The following DUSP4 variants were observed in gnomAD, a reference collection of about 807,000 sequenced individuals.
DUSP4 encodes dual specificity phosphatase 4.
Under a neutral mutation model 27.2 loss-of-function variants are expected in DUSP4, and 12 were observed. The observed-to-expected ratio is 0.44, with a 90% CI of 0.28 to 0.71. The LOEUF is 0.71. DUSP4 is among the 30% of genes least tolerant of loss of function. The pLI is 0.14. For missense variants in DUSP4, 448 were observed against 551.3 expected (o/e 0.81, Z 1.88); for synonymous variants, 257 against 245.2 (o/e 1.05, Z -0.45).
chr8:29,345,246 G>T lies in DUSP4; in HGVS notation c.433+4600C>A, dbSNP rs1294314730. On this transcript the variant is annotated intron_variant, in intron 1 of 3. Transcript: ENST00000240100. ...TGCCAGAAAAGTCATGCTCTTGCAA[G>T]AAAGTCTGGGGTTGTTTGAAGGCCA... 2.6e-6 allele frequency: 3 copies of T among 1,175,250 alleles called. No individual in the cohort carries two copies. In the African/African-American group the frequency reaches 4.7e-5, roughly 18 times the overall value. 72.8% of individuals were successfully genotyped at this position (1,175,250 alleles called of 1,614,324 possible).
chr8:29,340,175 G>A lies in DUSP4; in HGVS notation c.502C>T (p.Pro168Ser), dbSNP rs747088146. Residue 168 changes from proline (P) to serine (S), a missense_variant, in exon 2 of 4, where the codon CCA (proline) becomes TCA (serine). Pro to Ser is a moderately conservative substitution (Grantham distance 74). Around this residue, in one of 3 missense-constraint regions of DUSP4, gnomAD observed 345 missense variants for 394.0 expected, o/e 0.88. Coordinates refer to ENST00000240100, the MANE Select transcript of DUSP4 (RefSeq NM_001394.7). ...GTGGCACTGGGGGGAACCGGGGGTG[G>A]GATGGCTGCCAGGGCCTTGGTTTTA... ...CSKTKALAAI[P>S]PPVPPSATEP... The A allele has an allele frequency of 1.4e-5, 22 of 1,612,922 alleles. No individual in the cohort carries two copies. In the East Asian group the frequency reaches 4.7e-4, roughly 34 times the overall value.
intron 1 of DUSP4, among the ~76,000 whole-genome samples, chr8:29,342,943 G>A (rs938935687): frequency 1.3e-4 from 20 of 152,258 alleles, no homozygotes; most frequent in African/African-American, 4.8e-4. Flanking sequence ...CGAGGCGGGT[G>A]GATCACGAGG....
rs375733919 is a variant in DUSP4 at position 29,336,975 on chromosome 8, G to A, written c.*51C>T. The A allele has an allele frequency of 1.8e-4, 268 of 1,509,598 alleles. No individual in the cohort carries two copies. The highest frequency in any genetic ancestry group is 2.0e-4 in the Non-Finnish European group (222 of 1,129,436). 93.5% of individuals were successfully genotyped at this position (1,509,598 alleles called of 1,614,324 possible). ...CCAACTTTCTGCCCGCATGCGGCCC[G>A]TCCTACCCTTGCTGGGAGCCAGCTC... On this transcript the variant is annotated 3_prime_UTR_variant, in exon 4 of 4. Coordinates refer to ENST00000240100, the MANE Select transcript of DUSP4 (RefSeq NM_001394.7).
At chr8:29,346,562 A>G (rs1817737359) in intron 1 of DUSP4, among the ~76,000 whole-genome samples, 1 of 152,226 alleles carries the variant, frequency 6.6e-6, no homozygotes, top group Admixed American at 6.5e-5. Flanking sequence ...AAAATCTGAA[A>G]AACTAAAATT....
rs528435044 is a variant in DUSP4, at chr8:29,335,272, C to A, written c.*1754G>T. 1.3e-5 allele frequency: 2 copies of A among 149,458 alleles called. No homozygotes were observed. Among genetic ancestry groups the A allele is most frequent in the South Asian group, 4.4e-4 (2 of 4,552 alleles). 9.3% of individuals were successfully genotyped at this position (149,458 alleles called of 1,614,324 possible). A position where few individuals can be genotyped will look rare whatever the true frequency, so the allele number is the denominator to read the frequency against. On this transcript the variant is annotated 3_prime_UTR_variant, in exon 4 of 4. Coordinates refer to ENST00000240100, the MANE Select transcript of DUSP4 (RefSeq NM_001394.7). Reference sequence around the variant, plus strand: ...CAAAGCCATTCTCCATTTAGAAAGGCCCAACTAAGGATTCAAAATGGCACC... The same window carrying A: ...CAAAGCCATTCTCCATTTAGAAAGGACCAACTAAGGATTCAAAATGGCACC...
intron 1 of DUSP4, among the ~76,000 whole-genome samples, chr8:29,343,365 A>G (rs1194432203): frequency 2.6e-5 from 4 of 152,034 alleles, no homozygotes; most frequent in Non-Finnish European, 5.9e-5. Flanking sequence ...GGTGAGAACG[A>G]TATGTTCTGG....
At position 29,338,496 on chromosome 8, in the gene DUSP4, A is replaced by AC; in HGVS notation, c.584dup (p.Pro196SerfsTer42). On this transcript the variant is annotated frameshift_variant, in exon 3 of 4. Coordinates refer to ENST00000240100, the MANE Select transcript of DUSP4 (RefSeq NM_001394.7). LOFTEE classifies it high-confidence loss of function. ...AGAGGAAGGGAAGGATCTCCACAGG[A>AC]CCCCCCTGCACAGAAAGGGAAACAA... The AC allele has an allele frequency of 1.9e-6, 3 of 1,612,242 alleles. No homozygotes were observed. Among genetic ancestry groups the AC allele is most frequent in the Non-Finnish European group, 2.5e-6 (3 of 1,179,692 alleles).
At chr8:29,347,438 G>C (rs1817751951) in intron 1 of DUSP4, among the ~76,000 whole-genome samples, 1 of 152,184 alleles carries the variant, frequency 6.6e-6, no homozygotes, top group African/African-American at 2.4e-5. Context: ...AAGCTAAACC[G>C]AATAGGGCCC....
rs1005966098 is a variant in DUSP4, at chr8:29,340,524, G to T, written c.434-281C>A. Among the ~76,000 whole-genome samples, 7 of 152,312 alleles carry T rather than the reference G, an allele frequency of 4.6e-5. No individual in the cohort carries two copies. The East Asian group carries it at 1.3e-3, about 29-fold the overall frequency. On this transcript the variant is annotated intron_variant, in intron 1 of 3. Transcript: ENST00000240100. ...GACATACAAAGGAAGACGTGCAGGGGGATGTGCAGAAGTGACTGTGGAGTA... is the reference window on the plus strand; with the variant it reads ...GACATACAAAGGAAGACGTGCAGGGTGATGTGCAGAAGTGACTGTGGAGTA...
chr8:29,341,619 C>T (rs1264564650), intron 1 of DUSP4, among the ~76,000 whole-genome samples: 2 of 152,204 alleles, frequency 1.3e-5, no homozygotes, highest in Non-Finnish European at 2.9e-5. Context: ...GGAAAACCTG[C>T]TGGTGGGGCT....
At chr8:29,346,131 T>C (rs1006137635) in intron 1 of DUSP4, 31 of 950,590 alleles carry the variant, frequency 3.3e-5, no homozygotes, top group Non-Finnish European at 1.1e-5. Flanking sequence ...GTTAATTGTG[T>C]TCCTCTCCCC....
rs1323422079 is a variant in DUSP4 at position 29,350,553 on chromosome 8, G to C, written c.-275C>G. 14 of 432,028 alleles carry C rather than the reference G, an allele frequency of 3.2e-5. No homozygotes were observed. Among genetic ancestry groups the C allele is most frequent in the Non-Finnish European group, 4.9e-5 (12 of 246,062 alleles). 26.8% of individuals were successfully genotyped at this position (432,028 alleles called of 1,614,324 possible). A position where few individuals can be genotyped will look rare whatever the true frequency, so the allele number is the denominator to read the frequency against. On this transcript the variant is annotated 5_prime_UTR_variant, in exon 1 of 4. Transcript: ENST00000240100. ...CGCCGGTGGAGGAGAGTGTGTTTAC[G>C]AGAGAGGACCGCGGACTCTTTTCGG...
rs1457459192 is a variant in DUSP4, at chr8:29,338,311, G to T, written c.770C>A (p.Ser257Tyr). 6.2e-7 allele frequency: 1 copy of T among 1,614,206 alleles called. No homozygotes were observed. Among genetic ancestry groups the T allele is most frequent in the South Asian group, 1.1e-5 (1 of 91,080 alleles). Residue 257 changes from serine to tyrosine, a missense_variant, in exon 3 of 4, where the codon TCC (serine) becomes TAC (tyrosine). Physicochemically the swap from Ser to Tyr is moderately radical, Grantham distance 144 (BLOSUM62 -2). Around this residue, in one of 3 missense-constraint regions of DUSP4, gnomAD observed 345 missense variants for 394.0 expected, o/e 0.88. Coordinates refer to ENST00000240100, the MANE Select transcript of DUSP4 (RefSeq NM_001394.7). ...VEDNHKADIS[S>Y]WFMEAIEYID... The stretch of plus-strand genomic sequence containing the variant: ...GTACTCTATGGCTTCCATGAACCAG[G>T]AGCTGATGTCGGCCTTGTGGTTATC...
Position 29,337,378 on chromosome 8 carries a change from A to G in DUSP4, c.833T>C (p.Val278Ala). Residue 278 changes from valine to alanine, a missense_variant, in exon 4 of 4, where the codon GTG becomes GCG. Transcript: ENST00000240100. This position sits in a 1 kb window ranked among gnomAD's most constrained non-coding sequence, Gnocchi z 6.4. ...CCGCGAGATGCCCGCCTGGCAGTGC[A>G]CCAGCACGCGCCCACGGCAGTCCTT... Reference protein sequence around the residue: ...AVKDCRGRVLVHCQAGISRSA... With the variant: ...AVKDCRGRVLAHCQAGISRSA... 1.9e-6 allele frequency: 3 copies of G among 1,609,446 alleles called. No homozygotes were observed. Among genetic ancestry groups the G allele is most frequent in the Non-Finnish European group, 2.5e-6 (3 of 1,179,798 alleles).
At position 29,350,518 on chromosome 8, in the gene DUSP4, G is replaced by C. The variant is rs896058711; in HGVS notation, c.-240C>G. The C allele has an allele frequency of 1.0e-4, 56 of 535,780 alleles. No homozygotes were observed. In the African/African-American group the frequency reaches 1.0e-3, roughly 10 times the overall value. The allele number at this position is 535,780 out of a possible 1,614,324, so 33.2% of individuals were successfully genotyped here. ...GCCCAGCCGGGCGGCGCGCAGAGCG[G>C]AGGGGGAGGCGCCGGTGGAGGAGAG... On this transcript the variant is annotated 5_prime_UTR_variant, in exon 1 of 4. Coordinates refer to ENST00000240100, the MANE Select transcript of DUSP4 (RefSeq NM_001394.7).
chr8:29,333,593 C>A lies in DUSP4; in HGVS notation c.*3433G>T, dbSNP rs564552680. ...CGTGGCTGTGGTTTCCACAAGACAACCTGGCTCTGTGCTGTCACACCCAGC... is the reference window on the plus strand; with the variant it reads ...CGTGGCTGTGGTTTCCACAAGACAAACTGGCTCTGTGCTGTCACACCCAGC... On this transcript the variant is annotated 3_prime_UTR_variant, in exon 4 of 4. Transcript: ENST00000240100. The A allele has an allele frequency of 6.6e-6, 1 of 152,364 alleles. No individual in the cohort carries two copies. The highest frequency in any genetic ancestry group is 2.1e-4 in the South Asian group (1 of 4,826). 9.4% of individuals were successfully genotyped at this position (152,364 alleles called of 1,614,324 possible).
chr8:29,347,722 A>G (rs1346856488), intron 1 of DUSP4: 1 of 983,606 alleles, frequency 1.0e-6, no homozygotes, highest in Non-Finnish European at 1.2e-6. Flanking sequence ...CCAGGAGGAA[A>G]CAGCCCTTAA....
Position 29,337,271 on chromosome 8 carries a change from G to C in DUSP4, c.940C>G (p.Arg314Gly). Reference protein sequence around the residue: ...EEAFEFVKQRRSIISPNFSFM... With the variant: ...EEAFEFVKQRGSIISPNFSFM... ...CTGAAGTTGGGCGAGATGATGCTGC[G>C]GCGCTGCTTAACGAACTCGAAGGCC... The change falls in exon 4 of 4, where the codon CGC becomes GGC. Residue 314 changes from arginine to glycine, a missense_variant. Physicochemically the swap from Arg to Gly is moderately radical, Grantham distance 125. Coordinates refer to ENST00000240100, the MANE Select transcript of DUSP4 (RefSeq NM_001394.7). The surrounding 1 kb of genome is among the most constrained non-coding windows in gnomAD (Gnocchi z 6.4). The C allele has an allele frequency of 1.2e-6, 2 of 1,613,688 alleles. No homozygotes were observed. Among genetic ancestry groups the C allele is most frequent in the Non-Finnish European group, 1.7e-6 (2 of 1,180,000 alleles).
intron 1 of DUSP4, among the ~76,000 whole-genome samples, chr8:29,346,846 T>G (rs1053793734): frequency 1.3e-5 from 2 of 152,202 alleles, no homozygotes; most frequent in African/African-American, 4.8e-5. Context: ...AACTGAATTT[T>G]AAAATGCAAT....
Sources: allele counts gnomAD v4.1 joint callset (sites outside exome capture counted in the v4.1 genomes callset), GRCh38; gene constraint gnomAD v4.1.1; regional missense constraint gnomAD v4.1.1; non-coding constraint Gnocchi (gnomAD v3.1); transcripts MANE v1.5; gene names NCBI Gene and HGNC (gene_info 2026-07-23, HGNC 2026-07-21).